The following NDUFV2 variants were observed in gnomAD, a reference collection of about 807,000 sequenced individuals.
NDUFV2 encodes NADH:ubiquinone oxidoreductase core subunit V2.
A neutral mutation model predicts 31.6 loss-of-function variants in NDUFV2; 18 were observed. The ratio of observed to expected loss-of-function variants is 0.57; its 90% CI spans 0.39 to 0.84. NDUFV2 has a LOEUF of 0.84. NDUFV2 is among the 40% of genes least tolerant of loss of function. NDUFV2 has a pLI of 0.00. For synonymous variants in NDUFV2, 83 were observed against 99.8 expected (o/e 0.83, Z 1.01); for missense variants, 314 against 303.6 (o/e 1.03, Z -0.26).
At chr18:9,128,217 C>T (rs866539921) in intron 7 of NDUFV2, among the ~76,000 whole-genome samples, 1 of 152,126 alleles carries the variant, frequency 6.6e-6, no homozygotes, top group African/African-American at 2.4e-5. Flanking sequence ...GTGATGTGCT[C>T]TTACTCCCGT....
At chr18:9,104,695 C>T (rs1237625308) in intron 1 of NDUFV2, among the ~76,000 whole-genome samples, 2 of 151,864 alleles carry the variant, frequency 1.3e-5, no homozygotes, top group East Asian at 3.9e-4. Flanking sequence ...TCTCTCCATC[C>T]GTCTCCCCTT....
At chr18:9,118,356 A>G (rs1335489409) in intron 2 of NDUFV2, among the ~76,000 whole-genome samples, 2 of 152,134 alleles carry the variant, frequency 1.3e-5, no homozygotes, top group Non-Finnish European at 2.9e-5. Context: ...AACTCCCCAG[A>G]TTAGTTGCAC....
chr18:9,120,486 G>C (rs531573453), intron 4 of NDUFV2, among the ~76,000 whole-genome samples: 45 of 152,110 alleles, frequency 3.0e-4, no homozygotes, highest in Non-Finnish European at 4.6e-4. Context: ...GACTATAACA[G>C]AGATTTTGTT....
chr18:9,111,261 T>C (rs2077868591), intron 1 of NDUFV2, among the ~76,000 whole-genome samples: 1 of 152,198 alleles, frequency 6.6e-6, no homozygotes, highest in African/African-American at 2.4e-5. Flanking sequence ...TCATTTAAAT[T>C]TCTGGGAATA....
chr18:9,115,961 T>C (rs996497712), intron 1 of NDUFV2: 1 of 152,196 alleles, frequency 6.6e-6, no homozygotes, highest in Middle Eastern at 3.2e-3. Context: ...CTCTATATGC[T>C]CAACAGAATG....
At chr18:9,109,347 C>T (rs2077858131) in intron 1 of NDUFV2, among the ~76,000 whole-genome samples, 1 of 152,188 alleles carries the variant, frequency 6.6e-6, no homozygotes, top group African/African-American at 2.4e-5. Flanking sequence ...TCTTGTCTTT[C>T]TGACTAATTA....
chr18:9,119,223 T>G (rs2077916557), intron 2 of NDUFV2, 103 bp from the exon 3 acceptor site: 2 of 923,186 alleles, frequency 2.2e-6, no homozygotes, highest in African/African-American at 1.6e-5. Flanking sequence ...ATGTTGGAAT[T>G]AAAATGGAGA....
chr18:9,113,532 G>A (rs966517332), intron 1 of NDUFV2, among the ~76,000 whole-genome samples: 1 of 152,060 alleles, frequency 6.6e-6, no homozygotes, highest in Non-Finnish European at 1.5e-5. Context: ...CATATCTCAC[G>A]GTAAGGGAGG....
At chr18:9,121,280 A>T (rs2077933401) in intron 4 of NDUFV2, 1 of 152,092 alleles carries the variant, frequency 6.6e-6, no homozygotes, top group Non-Finnish European at 1.5e-5. Flanking sequence ...AAGCTTAATA[A>T]TTATTTATTT....
At chr18:9,113,605 T>C (rs2077882572) in intron 1 of NDUFV2, among the ~76,000 whole-genome samples, 1 of 152,110 alleles carries the variant, frequency 6.6e-6, no homozygotes, top group Non-Finnish European at 1.5e-5. Context: ...AAGTAAAAAC[T>C]AAAAGGCAGA....
chr18:9,128,758 C>A (rs187472574), intron 7 of NDUFV2, among the ~76,000 whole-genome samples: 6 of 152,164 alleles, frequency 3.9e-5, no homozygotes, highest in African/African-American at 1.4e-4. Context: ...AAAATAAATT[C>A]ATGCTATTCT....
chr18:9,115,495 C>T (rs543061049), intron 1 of NDUFV2, among the ~76,000 whole-genome samples: 29 of 152,202 alleles, frequency 1.9e-4, no homozygotes, highest in Middle Eastern at 3.4e-3. Flanking sequence ...AACATGTTTT[C>T]ATGTAAAGCT....
At chr18:9,133,254 G>A (rs2078056234) in intron 7 of NDUFV2, 1 of 152,280 alleles carries the variant, frequency 6.6e-6, no homozygotes, top group Non-Finnish European at 1.5e-5. Context: ...AACTGAACAA[G>A]TTCTTTCTTT....
Sources: gnomAD v4.1 joint callset for allele counts (sites outside exome capture counted in the v4.1 genomes callset) on GRCh38, gnomAD v4.1.1 for gene constraint, MANE v1.5 for transcripts, NCBI Gene and HGNC (gene_info 2026-07-23, HGNC 2026-07-21) for gene names.